GPM6A: variants seen among roughly 807,000 people sequenced by gnomAD.
GPM6A encodes glycoprotein M6A, also known as neuronal membrane glycoprotein M6-a.
In GPM6A, 7 loss-of-function variants were observed where a neutral mutation model predicts 32.1. The observed-to-expected ratio is 0.22, with a 90% confidence interval of 0.12 to 0.41. The LOEUF (loss-of-function observed/expected upper bound fraction) is 0.41, where lower values mean the gene tolerates loss of function less well. Ranked by LOEUF, GPM6A falls within the 10% of genes least tolerant of loss-of-function variation. The pLI is 1.00. For missense variants in GPM6A, 235 were observed against 347.2 expected, an observed-to-expected ratio of 0.68 and a Z score of 2.57; for synonymous variants, 130 against 123.4, an observed-to-expected ratio of 1.05 and a Z score of -0.35.
At chr4:175,960,558 C>A (rs1740132965) in intron 1 of GPM6A, among the ~76,000 whole-genome samples, 1 of 152,152 alleles carries the variant, frequency 6.6e-6, no homozygotes, top group Non-Finnish European at 1.5e-5. Context: ...GCGCCAGATC[C>A]ATTAGCTATT....
At chr4:175,975,550 A>G (rs934935102) in intron 1 of GPM6A, among the ~76,000 whole-genome samples, 6 of 152,246 alleles carry the variant, frequency 3.9e-5, no homozygotes, top group Non-Finnish European at 8.8e-5. Flanking sequence ...TGGGCACAAA[A>G]CAACCAAAAA....
intron 1 of GPM6A, among the ~76,000 whole-genome samples, chr4:175,728,016 A>C (rs1248771498): frequency 4.6e-5 from 7 of 151,966 alleles, no homozygotes; most frequent in Non-Finnish European, 8.8e-5. Flanking sequence ...AAAAAAAAAA[A>C]AAAAAAAACT....
chr4:175,850,227 G>A (rs1315124241), intron 1 of GPM6A, among the ~76,000 whole-genome samples: 2 of 152,132 alleles, frequency 1.3e-5, no homozygotes, highest in Non-Finnish European at 2.9e-5. Context: ...TATAAAGAGA[G>A]GGAACAGAGA....
intron 1 of GPM6A, among the ~76,000 whole-genome samples, chr4:175,771,288 C>A (rs1002985931): frequency 6.6e-6 from 1 of 151,892 alleles, no homozygotes; most frequent in Non-Finnish European, 1.5e-5. Context: ...TAAGAATTTT[C>A]ATGGCCAGGC....
chr4:175,826,825 A>G (rs1336668803), intron 1 of GPM6A, among the ~76,000 whole-genome samples: 5 of 152,166 alleles, frequency 3.3e-5, no homozygotes, highest in Admixed American at 3.3e-4. Flanking sequence ...CTTTTAGGAA[A>G]AAAAAAAGAG....
chr4:175,912,297 TC>T (rs1305078975), intron 1 of GPM6A, among the ~76,000 whole-genome samples: 1 of 152,144 alleles, frequency 6.6e-6, no homozygotes, highest in Non-Finnish European at 1.5e-5. Context: ...TGAGAAATAC[TC>T]TTTTATGTAA....
chr4:175,983,478 AT>A (rs1347862464), intron 1 of GPM6A, among the ~76,000 whole-genome samples: 1 of 152,154 alleles, frequency 6.6e-6, no homozygotes, highest in Non-Finnish European at 1.5e-5. Context: ...AGTTAAAGAA[AT>A]TTATCGTGAA....
intron 1 of GPM6A, among the ~76,000 whole-genome samples, chr4:175,897,919 TTAA>T (rs1427839631): frequency 6.6e-6 from 1 of 152,182 alleles, no homozygotes; most frequent in African/African-American, 2.4e-5. Flanking sequence ...CTTGGCAACA[TTAA>T]TGATACCTGT....
At chr4:175,977,147 A>G (rs565008243) in intron 1 of GPM6A, among the ~76,000 whole-genome samples, 52 of 152,364 alleles carry the variant, frequency 3.4e-4, no homozygotes, top group African/African-American at 1.2e-3. Context: ...AAAAGACAAC[A>G]TATCTGAGAC....
At chr4:175,761,666 A>T (rs377726281) in intron 1 of GPM6A, among the ~76,000 whole-genome samples, 2 of 152,162 alleles carry the variant, frequency 1.3e-5, no homozygotes, top group Admixed American at 1.3e-4. Context: ...TAAAGTAATA[A>T]AACACCTGAG....
At chr4:175,907,852 C>T (rs569067256) in intron 1 of GPM6A, among the ~76,000 whole-genome samples, 69 of 152,246 alleles carry the variant, frequency 4.5e-4, no homozygotes, top group African/African-American at 1.6e-3. Flanking sequence ...CTTATGAAGG[C>T]TCCCATGTCA....
chr4:175,787,514 C>T (rs1018170026), intron 1 of GPM6A: 4 of 1,454,668 alleles, frequency 2.7e-6, no homozygotes, highest in Non-Finnish European at 3.6e-6. Flanking sequence ...TTTGTTCCAC[C>T]TTTAGGTTGA....
At chr4:175,949,301 A>G (rs1277001939) in intron 1 of GPM6A, among the ~76,000 whole-genome samples, 1 of 151,832 alleles carries the variant, frequency 6.6e-6, no homozygotes, top group Non-Finnish European at 1.5e-5. Context: ...AAGTTTGTTT[A>G]TTTTTGTTGT....
chr4:175,740,469 G>GTCAAATA (rs1731845453), intron 1 of GPM6A, among the ~76,000 whole-genome samples: 1 of 151,918 alleles, frequency 6.6e-6, no homozygotes, highest in South Asian at 2.1e-4. Flanking sequence ...ACCAGCAAAT[G>GTCAAATA]TCATTGTGGA....
chr4:175,991,075 C>CTTTT (rs36032066), intron 1 of GPM6A, among the ~76,000 whole-genome samples: 23 of 140,146 alleles, frequency 1.6e-4, no homozygotes, highest in African/African-American at 5.5e-4. Context: ...ATCTTTCTTT[C>CTTTT]TTTTTTTTTT....
intron 1 of GPM6A, among the ~76,000 whole-genome samples, chr4:175,732,212 G>T (rs934888511): frequency 6.6e-6 from 1 of 151,818 alleles, no homozygotes; most frequent in Admixed American, 6.6e-5. Context: ...TGATCCGCCC[G>T]CCTCGGCCTC....
chr4:175,740,889 C>T (rs1357264448), intron 1 of GPM6A, among the ~76,000 whole-genome samples: 5 of 152,060 alleles, frequency 3.3e-5, no homozygotes, highest in South Asian at 2.1e-4. Flanking sequence ...TAAATATATT[C>T]CATGAAGGTT....
At chr4:175,940,179 T>C (rs927609114) in intron 1 of GPM6A, among the ~76,000 whole-genome samples, 3 of 152,148 alleles carry the variant, frequency 2.0e-5, no homozygotes, top group African/African-American at 7.2e-5. Flanking sequence ...CACCGTACAT[T>C]GATTCTTTTT....
intron 1 of GPM6A, among the ~76,000 whole-genome samples, chr4:175,981,894 G>T (rs1421727663): frequency 6.6e-6 from 1 of 151,800 alleles, no homozygotes; most frequent in African/African-American, 2.4e-5. Context: ...GTATTGTCAG[G>T]TTTTTTTGGT....
Sources: gnomAD v4.1 joint callset for allele counts (sites outside exome capture counted in the v4.1 genomes callset) on GRCh38, gnomAD v4.1.1 for gene constraint, MANE v1.5 for transcripts, NCBI Gene and HGNC (gene_info 2026-07-23, HGNC 2026-07-21) for gene names.